PRSS12: variants seen among roughly 807,000 people sequenced by gnomAD.
PRSS12 encodes the protein serine protease 12, also known as neurotrypsin.
PRSS12 carries 85 observed loss-of-function variants against 104.4 expected under a neutral mutation model. The observed-to-expected ratio is 0.81, with a 90% CI of 0.68 to 0.98. PRSS12 has a LOEUF of 0.98. Ranked by LOEUF, PRSS12 falls within the 50% of genes least tolerant of loss-of-function variation. The pLI, the probability that PRSS12 is intolerant of heterozygous loss-of-function variation, is 0.00. For synonymous variants in PRSS12, 454 were observed against 425.2 expected (o/e 1.07, Z -0.83); for missense variants, 1,141 against 1,139.2 (o/e 1.00, Z -0.02).
chr4:118,287,213 C>T (rs1182358150), intron 11 of PRSS12, among the ~76,000 whole-genome samples: 1 of 152,216 alleles, frequency 6.6e-6, no homozygotes, highest in African/African-American at 2.4e-5. Flanking sequence ...GGTGCGATCA[C>T]GGCTTACTGC....
chr4:118,336,565 T>C (rs1256038109), intron 2 of PRSS12, among the ~76,000 whole-genome samples: 1 of 152,164 alleles, frequency 6.6e-6, no homozygotes, highest in Non-Finnish European at 1.5e-5. Flanking sequence ...GCAATTCCTT[T>C]TTTTTTTAAA....
rs1742862054 is a variant in PRSS12 at position 118,281,755 on chromosome 4, A to T, written c.*181T>A. The stretch of plus-strand genomic sequence containing the variant: ...TCATTTAAGGATTATCACTTCCACT[A>T]CACTGAGGCCTCTGAAAATGTTCAC... On this transcript the variant is annotated 3_prime_UTR_variant, in exon 13 of 13. Transcript: ENST00000296498. 1.1e-5 allele frequency: 7 copies of T among 640,168 alleles called. No individual in the cohort carries two copies. The highest frequency in any genetic ancestry group is 5.5e-5 in the East Asian group (2 of 36,618). The allele number at this position is 640,168 out of a possible 1,614,324, so 39.7% of individuals were successfully genotyped here.
chr4:118,339,430 G>C (rs1305022424), intron 1 of PRSS12, among the ~76,000 whole-genome samples: 2 of 152,100 alleles, frequency 1.3e-5, no homozygotes, highest in South Asian at 2.1e-4. Flanking sequence ...CATTTCATTT[G>C]TACAGGCTTA....
intron 7 of PRSS12, among the ~76,000 whole-genome samples, chr4:118,310,635 A>G (rs1743686297): frequency 6.6e-6 from 1 of 152,252 alleles, no homozygotes; most frequent in Non-Finnish European, 1.5e-5. Context: ...TATCTTTAAT[A>G]TATATCTCAA....
chr4:118,304,203 T>G (rs1440745510), intron 8 of PRSS12, among the ~76,000 whole-genome samples: 2 of 151,774 alleles, frequency 1.3e-5, no homozygotes, highest in Admixed American at 6.6e-5. Flanking sequence ...TGTGTGTATA[T>G]ATACATATAC....
intron 11 of PRSS12, among the ~76,000 whole-genome samples, chr4:118,288,971 T>C (rs917328588): frequency 6.6e-6 from 1 of 152,170 alleles, no homozygotes; most frequent in Non-Finnish European, 1.5e-5. Context: ...TACATTGGCA[T>C]GGAAATGTGT....
rs1039834812 is a variant in PRSS12 at position 118,280,828 on chromosome 4, C to G, written c.*1108G>C. On this transcript the variant is annotated 3_prime_UTR_variant, in exon 13 of 13. Transcript: ENST00000296498. ...CAGCATTTTTTCTGGAGTTTGGAAT[C>G]AGTTTCACCAACTGGTCTCACTTTG... is the stretch of plus-strand genomic sequence containing the variant. The G allele has an allele frequency of 2.6e-5, 4 of 152,208 alleles. No homozygotes were observed. The highest frequency in any genetic ancestry group is 9.7e-5 in the African/African-American group (4 of 41,442). 9.4% of individuals were successfully genotyped at this position (152,208 alleles called of 1,614,324 possible). A position where few individuals can be genotyped will look rare whatever the true frequency, so the allele number is the denominator to read the frequency against.
At chr4:118,307,505 T>A (rs1743586425) in intron 8 of PRSS12, among the ~76,000 whole-genome samples, 1 of 152,312 alleles carries the variant, frequency 6.6e-6, no homozygotes, top group South Asian at 2.1e-4. Context: ...GCAATTTATA[T>A]ACATATTATC....
chr4:118,326,757 C>T (rs1361367103), intron 4 of PRSS12, among the ~76,000 whole-genome samples: 4 of 152,146 alleles, frequency 2.6e-5, no homozygotes, highest in African/African-American at 9.7e-5. Flanking sequence ...CTCTGCCTCC[C>T]ACTAACAGAC....
At chr4:118,292,727 T>C (rs531608214) in intron 11 of PRSS12, among the ~76,000 whole-genome samples, 1 of 152,272 alleles carries the variant, frequency 6.6e-6, no homozygotes, top group Non-Finnish European at 1.5e-5. Context: ...AGCTCAATTA[T>C]ATCCCCAAAT....
intron 7 of PRSS12, chr4:118,312,898 G>T (rs1000487010): frequency 1.0e-5 from 4 of 382,382 alleles, no homozygotes; most frequent in African/African-American, 6.2e-5. Context: ...CGAGGAGTAA[G>T]GGGAATAGAT....
chr4:118,322,540 A>C (rs1326913322), intron 4 of PRSS12, among the ~76,000 whole-genome samples: 3 of 134,300 alleles, frequency 2.2e-5, no homozygotes, highest in Non-Finnish European at 4.8e-5. Context: ...ACACAGCGAG[A>C]CTCCATCTTA....
intron 11 of PRSS12, among the ~76,000 whole-genome samples, chr4:118,287,507 G>A (rs1743041346): frequency 6.6e-6 from 1 of 152,168 alleles, no homozygotes; most frequent in African/African-American, 2.4e-5. Context: ...TAAGCATGGA[G>A]TCTCACACTC....
At chr4:118,339,673 C>T (rs929154816) in intron 1 of PRSS12, among the ~76,000 whole-genome samples, 1 of 152,156 alleles carries the variant, frequency 6.6e-6, no homozygotes, top group Non-Finnish European at 1.5e-5. Flanking sequence ...ATATTCTAAA[C>T]TTCTTTAATT....
chr4:118,301,777 C>T (rs1248383894), intron 8 of PRSS12, among the ~76,000 whole-genome samples: 4 of 152,120 alleles, frequency 2.6e-5, no homozygotes, highest in African/African-American at 4.8e-5. Context: ...CACAGGCAGA[C>T]GATTGCCTTT....
chr4:118,288,004 C>CT (rs1374696012), intron 11 of PRSS12, among the ~76,000 whole-genome samples: 1 of 152,104 alleles, frequency 6.6e-6, no homozygotes, highest in African/African-American at 2.4e-5. Context: ...CTCTGAGACT[C>CT]TGAGGCTAAA....
chr4:118,352,131 C>A, intron 1 of PRSS12, 88 bp downstream of exon 1: 2 of 1,560,732 alleles, frequency 1.3e-6, no homozygotes, highest in Non-Finnish European at 1.7e-6. Context: ...CACCCCGTCA[C>A]TTTTTCCAAG....
intron 5 of PRSS12, among the ~76,000 whole-genome samples, chr4:118,316,903 T>C (rs1348205235): frequency 1.3e-5 from 2 of 149,410 alleles, no homozygotes; most frequent in Non-Finnish European, 1.5e-5. Flanking sequence ...GAAAAATATA[T>C]CCTGATATAA....
Position 118,291,530 on chromosome 4 carries a change from C to T in PRSS12, c.2039+3409G>A, listed in dbSNP as rs569107420. 3.5e-3 allele frequency among the ~76,000 whole-genome samples: 539 copies of T among 152,232 alleles called. 1 individual carries two copies. The highest frequency in any genetic ancestry group is 6.1e-3 in the Non-Finnish European group (418 of 68,020). On this transcript the variant is annotated intron_variant, in intron 11 of 12. Transcript: ENST00000296498. Reference sequence around the variant, plus strand: ...CAAAAATTATCTTATCTCCCTTTAACATTTGTGGTATCTGAAGCAAAAGGC... The same window carrying T: ...CAAAAATTATCTTATCTCCCTTTAATATTTGTGGTATCTGAAGCAAAAGGC...
Sources: gnomAD v4.1 joint callset for allele counts (sites outside exome capture counted in the v4.1 genomes callset) on GRCh38, gnomAD v4.1.1 for gene constraint, MANE v1.5 for transcripts, NCBI Gene and HGNC (gene_info 2026-07-23, HGNC 2026-07-21) for gene names.